The following CNBD1 variants were observed in gnomAD, a reference collection of about 807,000 sequenced individuals.
The protein encoded by CNBD1 is cyclic nucleotide-binding domain-containing protein 1.
In CNBD1, 71 loss-of-function variants were observed where a neutral mutation model predicts 54.4. That is an observed-to-expected ratio of 1.30 (90% confidence interval 1.08 to 1.59). The LOEUF (loss-of-function observed/expected upper bound fraction) is 1.59, where lower values mean the gene tolerates loss of function less well. Ranked by LOEUF, CNBD1 falls within the 40% of genes most tolerant of loss-of-function variation. The probability of loss-of-function intolerance (pLI) is 0.00; values close to 1 mark genes in which losing one functional copy is unlikely to be tolerated. For synonymous variants in CNBD1, 182 were observed against 170.7 expected (o/e 1.07, Z -0.51); for missense variants, 659 against 518.0 (o/e 1.27, Z -2.64).
At chr8:86,903,989 A>G (rs961916844) in intron 2 of CNBD1, among the ~76,000 whole-genome samples, 1 of 152,032 alleles carries the variant, frequency 6.6e-6, no homozygotes, top group Non-Finnish European at 1.5e-5. Flanking sequence ...ATAGAAAATT[A>G]CATCATATTG....
rs528556546 is a variant in CNBD1, at chr8:87,015,917, G to A, written c.431+76163G>A. 3.5e-5 allele frequency among the ~76,000 whole-genome samples: 5 copies of A among 143,406 alleles called. No homozygotes were observed. In the East Asian group the frequency reaches 6.2e-4, roughly 18 times the overall value. 94.1% of individuals were successfully genotyped at this position (143,406 alleles called of 152,430 possible). A position where few individuals can be genotyped will look rare whatever the true frequency, so the allele number is the denominator to read the frequency against. ...AATTGCTTGAACCCAGGAGGCAGAG[G>A]TTGCAGCAAGCTGAGATTGTAACAC... On this transcript the variant is annotated intron_variant, in intron 4 of 10. Transcript: ENST00000518476.
At chr8:87,386,549 A>AGAGAAAT (rs556500418), downstream of CNBD1, among the ~76,000 whole-genome samples, 2,865 of 150,844 alleles carry the variant, frequency 0.019, 89 homozygotes, top group African/African-American at 0.063. Context: ...TGAAGTGAGA[A>AGAGAAAT]TTAGAGAAAA....
intron 3 of CNBD1, among the ~76,000 whole-genome samples, chr8:86,921,997 C>T (rs1809282459): frequency 6.6e-6 from 1 of 151,912 alleles, no homozygotes; most frequent in Admixed American, 6.6e-5. Flanking sequence ...AGAGTGCTTA[C>T]ATTGAGGGCA....
At chr8:86,938,881 C>T (rs1435761557) in intron 3 of CNBD1, among the ~76,000 whole-genome samples, 1 of 152,116 alleles carries the variant, frequency 6.6e-6, no homozygotes, top group South Asian at 2.1e-4. Flanking sequence ...GTTATGATTC[C>T]ACATATCTTA....
At chr8:87,033,288 G>A (rs747482478) in intron 4 of CNBD1, among the ~76,000 whole-genome samples, 1 of 152,210 alleles carries the variant, frequency 6.6e-6, no homozygotes, top group African/African-American at 2.4e-5. Context: ...TAGAGACATT[G>A]TGTTTGGGGG....
At chr8:87,227,144 G>T (rs1183771498) in intron 5 of CNBD1, among the ~76,000 whole-genome samples, 2 of 152,136 alleles carry the variant, frequency 1.3e-5, no homozygotes, top group Non-Finnish European at 2.9e-5. Context: ...CTCTGCACAT[G>T]AGATGGGTTT....
chr8:87,385,612 T>C (rs187843079), downstream of CNBD1, among the ~76,000 whole-genome samples: 2,808 of 151,916 alleles, frequency 0.018, 88 homozygotes, highest in African/African-American at 0.061. Context: ...GTAAACAAAG[T>C]GGCTGGGAAG....
At chr8:87,033,410 A>G (rs1809837183) in intron 4 of CNBD1, among the ~76,000 whole-genome samples, 1 of 152,210 alleles carries the variant, frequency 6.6e-6, no homozygotes, top group African/African-American at 2.4e-5. Flanking sequence ...TGACAAGGTA[A>G]TTCTTGACTT....
chr8:87,356,009 A>C (rs1298601907), intron 10 of CNBD1, among the ~76,000 whole-genome samples: 1 of 151,986 alleles, frequency 6.6e-6, no homozygotes, highest in African/African-American at 2.4e-5. Context: ...TTCTTTCACC[A>C]TGTGACACAC....
At chr8:86,928,422 T>C (rs1425491407) in intron 3 of CNBD1, among the ~76,000 whole-genome samples, 4 of 152,188 alleles carry the variant, frequency 2.6e-5, no homozygotes, top group Non-Finnish European at 5.9e-5. Flanking sequence ...CTGAGGATTG[T>C]GGTCTCCAGG....
chr8:87,286,806 G>T (rs896649152), intron 8 of CNBD1, 135 bp downstream of exon 8: 2 of 681,078 alleles, frequency 2.9e-6, no homozygotes, highest in Non-Finnish European at 4.9e-6. Flanking sequence ...AATAACATTT[G>T]AATTGGACAT....
chr8:87,146,708 G>A (rs190960755), intron 4 of CNBD1, among the ~76,000 whole-genome samples: 38 of 152,098 alleles, frequency 2.5e-4, no homozygotes, highest in Admixed American at 2.1e-3. Flanking sequence ...GTCCTATTAA[G>A]TATGCATTCA....
chr8:87,192,507 A>G (rs1396758865), intron 4 of CNBD1, among the ~76,000 whole-genome samples: 1 of 152,180 alleles, frequency 6.6e-6, no homozygotes, highest in Non-Finnish European at 1.5e-5. Context: ...TTCTTGCTCC[A>G]CAACTTATTA....
chr8:86,997,406 G>A (rs1360661786), intron 4 of CNBD1, among the ~76,000 whole-genome samples: 3 of 152,130 alleles, frequency 2.0e-5, no homozygotes, highest in Non-Finnish European at 4.4e-5. Flanking sequence ...CATTGCCTTG[G>A]AAAGGTAATT....
intron 4 of CNBD1, among the ~76,000 whole-genome samples, chr8:86,951,146 G>C (rs1263038200): frequency 6.6e-6 from 1 of 152,094 alleles, no homozygotes; most frequent in African/African-American, 2.4e-5. Flanking sequence ...TTATTTGAAA[G>C]CAACAGAAGC....
chr8:87,247,809 C>T (rs1013136437), intron 6 of CNBD1, among the ~76,000 whole-genome samples: 3 of 152,156 alleles, frequency 2.0e-5, no homozygotes, highest in Admixed American at 2.0e-4. Flanking sequence ...TACTTTTAAT[C>T]ACATCCTGCA....
At chr8:86,966,674 TGTTA>T (rs1402907057) in intron 4 of CNBD1, among the ~76,000 whole-genome samples, 1 of 152,028 alleles carries the variant, frequency 6.6e-6, no homozygotes, top group Non-Finnish European at 1.5e-5. Flanking sequence ...CGTCTGGAGT[TGTTA>T]GTTCCTCCGG....
chr8:87,195,947 T>C (rs1813713132), intron 4 of CNBD1, among the ~76,000 whole-genome samples: 1 of 152,186 alleles, frequency 6.6e-6, no homozygotes, highest in South Asian at 2.1e-4. Flanking sequence ...TGATTTACTG[T>C]TGTTTTTTTG....
chr8:86,940,213 C>T (rs1053438846), intron 4 of CNBD1, among the ~76,000 whole-genome samples: 5 of 143,606 alleles, frequency 3.5e-5, no homozygotes, highest in Non-Finnish European at 7.5e-5. Flanking sequence ...TCACTGCAAC[C>T]TCTGCTTCAA....
Sources: gnomAD v4.1 joint callset for allele counts (sites outside exome capture counted in the v4.1 genomes callset) on GRCh38, gnomAD v4.1.1 for gene constraint, MANE v1.5 for transcripts, NCBI Gene and HGNC (gene_info 2026-07-23, HGNC 2026-07-21) for gene names.